Variants in ESR1 observed in about 807,000 individuals in gnomAD.
ESR1 encodes the protein estrogen receptor 1, also known as estrogen receptor.
In ESR1, 12 loss-of-function variants were observed where a neutral mutation model predicts 52.7. That is an observed-to-expected ratio of 0.23 (90% confidence interval 0.15 to 0.37). The LOEUF is 0.37. Ranked by LOEUF, ESR1 falls within the 10% of genes least tolerant of loss-of-function variation. The pLI is 1.00. For synonymous variants in ESR1, 305 were observed against 316.8 expected, an observed-to-expected ratio of 0.96 and a Z score of 0.39; for missense variants, 584 against 779.7, an observed-to-expected ratio of 0.75 and a Z score of 2.99.
intron 4 of ESR1, among the ~76,000 whole-genome samples, chr6:151,953,579 GGT>G (rs1199458917): frequency 6.6e-6 from 1 of 152,028 alleles, no homozygotes. Context: ...AAATTAGCTG[GGT>G]GTGGTGGTGG....
At chr6:151,747,901 G>A (rs1318518244) in intron 2 of ESR1, among the ~76,000 whole-genome samples, 1 of 152,156 alleles carries the variant, frequency 6.6e-6, no homozygotes, top group Non-Finnish European at 1.5e-5. Context: ...GAACATTTGG[G>A]TTTCCACTTT....
chr6:152,064,734 A>G (rs2047828195), intron 6 of ESR1, among the ~76,000 whole-genome samples: 1 of 152,158 alleles, frequency 6.6e-6, no homozygotes, highest in Non-Finnish European at 1.5e-5. Flanking sequence ...GATTCCTCAC[A>G]GTCTATTTAG....
At chr6:151,703,908 A>G (rs1192485416) in intron 2 of ESR1, among the ~76,000 whole-genome samples, 1 of 152,190 alleles carries the variant, frequency 6.6e-6, no homozygotes, top group Non-Finnish European at 1.5e-5. Flanking sequence ...CCTGAGACAA[A>G]CTGTTGGGAT....
chr6:151,980,198 T>G (rs1454366359), intron 4 of ESR1, among the ~76,000 whole-genome samples: 1 of 152,186 alleles, frequency 6.6e-6, no homozygotes, highest in African/African-American at 2.4e-5. Context: ...GAGAAGAAAA[T>G]AAATTCAAAT....
At chr6:151,869,018 A>T (rs189023757) in intron 2 of ESR1, among the ~76,000 whole-genome samples, 8 of 152,234 alleles carry the variant, frequency 5.3e-5, no homozygotes, top group African/African-American at 1.9e-4. Context: ...AAGCACCAAA[A>T]TGGCCCAGAA....
rs143439589 is a variant in ESR1, at chr6:151,931,455, C to CT, written c.761-12709dup. 9.3e-3 allele frequency among the ~76,000 whole-genome samples: 1,408 copies of CT among 151,238 alleles called. 21 individuals carry two copies. The highest frequency in any genetic ancestry group is 0.029 in the African/African-American group (1,215 of 41,238). On this transcript the variant is annotated intron_variant, in intron 3 of 7. Coordinates refer to ENST00000206249, the MANE Select transcript of ESR1 (RefSeq NM_000125.4). ...CTTTTTCCATTAGAGCCCTCAAACT[C>CT]TTTTTTTTTATTATACTTTAAGTTT...
At chr6:151,940,419 TATAA>T (rs1163755126) in intron 3 of ESR1, among the ~76,000 whole-genome samples, 1 of 152,216 alleles carries the variant, frequency 6.6e-6, no homozygotes, top group African/African-American at 2.4e-5. Flanking sequence ...TTGATGATTT[TATAA>T]ATAGTCATCT....
chr6:151,867,603 T>G (rs1236042981), intron 2 of ESR1, among the ~76,000 whole-genome samples: 1 of 152,128 alleles, frequency 6.6e-6, no homozygotes, highest in South Asian at 2.1e-4. Flanking sequence ...AATGACATAC[T>G]ATCTCACACC....
At chr6:151,736,205 A>G (rs1782643152) in intron 2 of ESR1, among the ~76,000 whole-genome samples, 1 of 152,052 alleles carries the variant, frequency 6.6e-6, no homozygotes, top group Admixed American at 6.5e-5. Flanking sequence ...CAGATTAAAT[A>G]TTTTCTCATT....
intron 1 of ESR1, among the ~76,000 whole-genome samples, chr6:151,670,864 G>A (rs1347391762): frequency 6.6e-6 from 1 of 150,868 alleles, no homozygotes; most frequent in African/African-American, 2.5e-5. Context: ...CGCCTCCCGG[G>A]TTCAAGCAAT....
intron 2 of ESR1, among the ~76,000 whole-genome samples, chr6:151,798,674 A>G (rs186561690): frequency 3.1e-4 from 47 of 152,348 alleles, no homozygotes; most frequent in Admixed American, 1.2e-3. Context: ...AATATCTTTC[A>G]AATTAGATTC....
At chr6:151,838,629 T>G (rs892112445) in intron 1 of ESR1, among the ~76,000 whole-genome samples, 4 of 152,222 alleles carry the variant, frequency 2.6e-5, no homozygotes, top group Admixed American at 2.0e-4. Context: ...AGACCGCTCT[T>G]GCCTTTTAGT....
intron 3 of ESR1, among the ~76,000 whole-genome samples, chr6:151,930,870 G>A (rs911099358): frequency 2.2e-4 from 33 of 151,920 alleles, no homozygotes; most frequent in Middle Eastern, 3.4e-3. Flanking sequence ...ATTAATGTAC[G>A]GTTTCTGAAG....
At chr6:151,660,009 A>C (rs1171381701) in intron 1 of ESR1, among the ~76,000 whole-genome samples, 1 of 152,230 alleles carries the variant, frequency 6.6e-6, no homozygotes, top group Admixed American at 6.5e-5. Context: ...CCGTATGTCC[A>C]TTTTATGTCC....
chr6:151,932,053 G>A (rs1489361129), intron 3 of ESR1, among the ~76,000 whole-genome samples: 2 of 149,160 alleles, frequency 1.3e-5, no homozygotes, highest in South Asian at 4.3e-4. Flanking sequence ...GGTTGAACTA[G>A]TTTACAGTCC....
At chr6:152,048,404 T>C (rs903839633) in intron 5 of ESR1, among the ~76,000 whole-genome samples, 2 of 151,058 alleles carry the variant, frequency 1.3e-5, no homozygotes, top group African/African-American at 4.9e-5. Flanking sequence ...CACAGAGGGC[T>C]TCTCAGATAC....
chr6:152,098,977 G>C lies in ESR1; in HGVS notation c.*11G>C, dbSNP rs1168019404. 1 of 1,605,028 alleles carries C rather than the reference G, an allele frequency of 6.2e-7. No homozygotes were observed. Among genetic ancestry groups the C allele is most frequent in the Non-Finnish European group, 8.5e-7 (1 of 1,171,928 alleles). On this transcript the variant is annotated 3_prime_UTR_variant, in exon 8 of 8. Coordinates refer to ENST00000206249, the MANE Select transcript of ESR1 (RefSeq NM_000125.4). This position sits in a 1 kb window ranked among gnomAD's most constrained non-coding sequence, Gnocchi z 5.1. ...CCTGCCACGGTCTGAGAGCTCCCTG[G>C]CTCCCACACGGTTCAGATAATCCCT...
At chr6:151,894,746 A>G (rs925192200) in intron 3 of ESR1, among the ~76,000 whole-genome samples, 4 of 152,108 alleles carry the variant, frequency 2.6e-5, no homozygotes, top group African/African-American at 9.7e-5. Flanking sequence ...TTTGGTCTAC[A>G]TGCCTATTTT....
rs1297670936 is a variant in ESR1 at position 152,061,639 on chromosome 6, G to C, written c.1369+515G>C. On this transcript the variant is annotated intron_variant, in intron 6 of 7. Coordinates refer to ENST00000206249, the MANE Select transcript of ESR1 (RefSeq NM_000125.4). This position sits in a 1 kb window ranked among gnomAD's most constrained non-coding sequence, Gnocchi z 4.3. ...AATGTGGAATGCAATAAATTGTCCA[G>C]CTGAAAGAACATTTTCCATTTGCTC... Among the ~76,000 whole-genome samples, 1 of 152,232 alleles carries C rather than the reference G, an allele frequency of 6.6e-6. No individual in the cohort carries two copies. Among genetic ancestry groups the C allele is most frequent in the Non-Finnish European group, 1.5e-5 (1 of 68,036 alleles).
Sources: gnomAD v4.1 joint callset for allele counts (sites outside exome capture counted in the v4.1 genomes callset) on GRCh38, gnomAD v4.1.1 for gene constraint, Gnocchi (gnomAD v3.1) non-coding constraint, MANE v1.5 for transcripts, NCBI Gene and HGNC (gene_info 2026-07-23, HGNC 2026-07-21) for gene names.